SETD4: variants seen among roughly 807,000 people sequenced by gnomAD.
The protein encoded by SETD4 is SET domain-containing protein 4.
Under a neutral mutation model 58.3 loss-of-function variants are expected in SETD4, and 46 were observed. The ratio of observed to expected loss-of-function variants is 0.79; its 90% CI spans 0.62 to 1.01. The LOEUF (loss-of-function observed/expected upper bound fraction) is 1.01, where lower values mean the gene tolerates loss of function less well. SETD4 is among the 50% of genes least tolerant of loss of function. The pLI, the probability that SETD4 is intolerant of heterozygous loss-of-function variation, is 0.00. For missense variants in SETD4, 490 were observed against 523.3 expected (o/e 0.94, Z 0.62); for synonymous variants, 190 against 202.6 (o/e 0.94, Z 0.53).
chr21:36,056,629 G>A (rs1468313618), intron 3 of SETD4, among the ~76,000 whole-genome samples: 1 of 152,144 alleles, frequency 6.6e-6, no homozygotes. Context: ...CATGATCATG[G>A]CTCTCTGCAG....
chr21:36,036,025 TCTAAA>T (rs770922932), intron 11 of SETD4, 55 bp downstream of exon 11: 1,641 of 1,514,658 alleles, frequency 1.1e-3, no homozygotes, highest in Non-Finnish European at 1.3e-3. Context: ...ACTCATCGAC[TCTAAA>T]CTATATAAAT....
At chr21:36,056,501 C>A (rs748633919) in intron 3 of SETD4, among the ~76,000 whole-genome samples, 1 of 152,186 alleles carries the variant, frequency 6.6e-6, no homozygotes, top group South Asian at 2.1e-4. Context: ...TGCAGGCACA[C>A]ACCCATAGCA....
rs952722595 is a variant in SETD4, at chr21:36,048,298, G to A, written c.296+10C>T. 27 of 1,608,534 alleles carry A rather than the reference G, an allele frequency of 1.7e-5. No individual in the cohort carries two copies. The highest frequency in any genetic ancestry group is 2.1e-5 in the Non-Finnish European group (25 of 1,175,086). On this transcript the variant is annotated intron_variant, in intron 5 of 11. Transcript: ENST00000332131. ...ACTTGCACCAGGTAAGCAAGTGTGT[G>A]GTCACTTACTTAGTAATGTATGCCC...
At chr21:36,058,666 CA>C (rs1456885593) in intron 2 of SETD4, 149 bp downstream of exon 2, 1 of 844,586 alleles carries the variant, frequency 1.2e-6, no homozygotes, top group Non-Finnish European at 1.8e-6. Context: ...TGCAGTGAGC[CA>C]AGATGACACC....
At chr21:36,040,363 T>C (rs1601202061) in intron 9 of SETD4, among the ~76,000 whole-genome samples, 1 of 152,164 alleles carries the variant, frequency 6.6e-6, no homozygotes, top group South Asian at 2.1e-4. Flanking sequence ...GTATGCTGAG[T>C]CTAAAACCAG....
At chr21:36,041,159 CAAAAAAAAAAA>C (rs35920101) in intron 8 of SETD4, among the ~76,000 whole-genome samples, 5 of 39,996 alleles carry the variant, frequency 1.3e-4, no homozygotes, top group Non-Finnish European at 1.6e-4. Context: ...GACTCCTTCT[CAAAAAAAAAAA>C]AAAAAAAAAA....
chr21:36,043,945 C>T lies in SETD4; in HGVS notation c.738G>A (p.Ala246=), dbSNP rs752638106. The T allele has an allele frequency of 1.2e-5, 20 of 1,613,912 alleles. No homozygotes were observed. The highest frequency in any genetic ancestry group is 1.6e-4 in the Middle Eastern group (1 of 6,082). The change falls in exon 7 of 12, where the codon GCG becomes GCA. Residue 246 remains alanine, a synonymous_variant. Transcript: ENST00000332131. ...CGTAAGAATGAGTTTCTTCATTAAA[C>T]GCTGCTTTTACCTAGAAAGAAAAAC... The part of the protein sequence containing the change: ...NHSPHVQVKA[A]FNEETHSYEI...
At chr21:36,057,556 T>C (rs1037979345) in intron 2 of SETD4, 1 of 506,850 alleles carries the variant, frequency 2.0e-6, no homozygotes, top group Non-Finnish European at 3.6e-6. Flanking sequence ...AACATACTTA[T>C]GCAACATACG....
intron 9 of SETD4, among the ~76,000 whole-genome samples, chr21:36,038,713 A>G (rs1461104591): frequency 6.6e-6 from 1 of 152,180 alleles, no homozygotes; most frequent in Non-Finnish European, 1.5e-5. Context: ...ACTGGGCACA[A>G]TTCACAAAGC....
rs1485996036 is a variant in SETD4, at chr21:36,036,069, T to G, written c.*32+16A>C. ...GTCCATCAAACCTTAGTCTAAAATGTGTGACTAACACCCACCAGAGGAGGT... is the reference window on the plus strand; with the variant it reads ...GTCCATCAAACCTTAGTCTAAAATGGGTGACTAACACCCACCAGAGGAGGT... On this transcript the variant is annotated intron_variant, in intron 11 of 11. Transcript: ENST00000332131. 2 of 1,612,726 alleles carry G rather than the reference T, an allele frequency of 1.2e-6. No individual in the cohort carries two copies. The highest frequency in any genetic ancestry group is 1.7e-6 in the Non-Finnish European group (2 of 1,179,532).
At chr21:36,051,829 T>C (rs1490358922) in intron 4 of SETD4, among the ~76,000 whole-genome samples, 2 of 152,224 alleles carry the variant, frequency 1.3e-5, no homozygotes, top group African/African-American at 4.8e-5. Flanking sequence ...ATTATACAGC[T>C]CTGAAAATTC....
In SETD4 at chr21:36,058,876, T is replaced by C. The variant is rs1441469625; in HGVS notation, c.13A>G (p.Lys5Glu). The C allele has an allele frequency of 6.2e-7, 1 of 1,600,606 alleles. No homozygotes were observed. Among genetic ancestry groups the C allele is most frequent in the Non-Finnish European group, 8.5e-7 (1 of 1,175,378 alleles). Residue 5 changes from lysine (K) to glutamate (E), a missense_variant, in exon 2 of 12, where the codon AAA (lysine) becomes GAA (glutamate). Coordinates refer to ENST00000332131, the MANE Select transcript of SETD4 (RefSeq NM_017438.5). MQKG[K>E]GRTSRIRRRK... ...CTTCTGATCCGGCTTGTTCTCCCTTTTCCTTTCTGCATGCTAAAACTGTAG... is the reference window on the plus strand; with the variant it reads ...CTTCTGATCCGGCTTGTTCTCCCTTCTCCTTTCTGCATGCTAAAACTGTAG...
chr21:36,054,487 C>T (rs1352087983), intron 3 of SETD4, among the ~76,000 whole-genome samples: 1 of 152,208 alleles, frequency 6.6e-6, no homozygotes, highest in Non-Finnish European at 1.5e-5. Flanking sequence ...GAAAATAATT[C>T]AGCCAAGTCA....
Position 36,041,814 on chromosome 21 carries a change from A to C in SETD4, c.976T>G (p.Tyr326Asp). ...KKISILKDHG[Y>D]IENLTFGWDG... ...GGAAAGAGAAACACTTACTCTATAT[A>C]GCCATGATCCTTTAAAATAGAAATC... Residue 326 changes from tyrosine to aspartate, a missense_variant, in exon 8 of 12, where the codon TAT becomes GAT. Coordinates refer to ENST00000332131, the MANE Select transcript of SETD4 (RefSeq NM_017438.5). The C allele has an allele frequency of 6.7e-7, 1 of 1,482,340 alleles. No homozygotes were observed. Among genetic ancestry groups the C allele is most frequent in the Middle Eastern group, 1.7e-4 (1 of 5,774 alleles). 91.8% of individuals were successfully genotyped at this position (1,482,340 alleles called of 1,614,324 possible).
intron 3 of SETD4, among the ~76,000 whole-genome samples, chr21:36,054,659 A>C (rs1363583655): frequency 6.7e-6 from 1 of 149,340 alleles, no homozygotes; most frequent in Non-Finnish European, 1.5e-5. Flanking sequence ...CTCCTGGCTC[A>C]TGGTGGGAAT....
rs1489466846 is a variant in SETD4, at chr21:36,043,843, C to T, written c.840G>A (p.Leu280=). 1.2e-6 allele frequency: 2 copies of T among 1,614,190 alleles called. No individual in the cohort carries two copies. The highest frequency in any genetic ancestry group is 2.2e-5 in the East Asian group (1 of 44,880). Residue 280 remains leucine (L), a synonymous_variant, in exon 7 of 12, where the codon CTG becomes CTA. Coordinates refer to ENST00000332131, the MANE Select transcript of SETD4 (RefSeq NM_017438.5). ...ICYGPHDNQR[L]FLEYGFVSVH... ...CAGAAACAAATCCGTATTCCAGGAA[C>T]AGCCGTTGATTATCGTGAGGGCCGT...
In SETD4 at chr21:36,035,804, G is replaced by A. The variant is rs540738472; in HGVS notation, c.*189C>T. 3 of 358,226 alleles carry A rather than the reference G, an allele frequency of 8.4e-6. No homozygotes were observed. The highest frequency in any genetic ancestry group is 2.7e-5 in the South Asian group (1 of 37,620). The allele number at this position is 358,226 out of a possible 1,614,324, so 22.2% of individuals were successfully genotyped here. On this transcript the variant is annotated 3_prime_UTR_variant, in exon 12 of 12. Transcript: ENST00000332131. Reference sequence around the variant, plus strand: ...CTCCTCACAGTTCAGCACTTTATTCGGAAGAGCATTAGACCTGCCATCCAG... The same window carrying A: ...CTCCTCACAGTTCAGCACTTTATTCAGAAGAGCATTAGACCTGCCATCCAG...
Position 36,040,122 on chromosome 21 carries a change from C to G in SETD4, c.1064+453G>C, listed in dbSNP as rs77663260. Among the ~76,000 whole-genome samples, 314 of 152,336 alleles carry G rather than the reference C, an allele frequency of 2.1e-3. 2 individuals carry two copies. Among genetic ancestry groups the G allele is most frequent in the Non-Finnish European group, 3.7e-3 (252 of 68,034 alleles). On this transcript the variant is annotated intron_variant, in intron 9 of 11. Coordinates refer to ENST00000332131, the MANE Select transcript of SETD4 (RefSeq NM_017438.5). ...AGCCTGGCCAGGATGCACACCCACA[C>G]CGGGGGCTCCCCGACCTGCCTCCCC...
chr21:36,050,511 G>A (rs2064612220), intron 4 of SETD4: 1 of 1,613,840 alleles, frequency 6.2e-7, no homozygotes, highest in African/African-American at 1.3e-5. Flanking sequence ...AGAGAAGATG[G>A]GATGCCAGTT....
Sources: gnomAD v4.1 joint callset for allele counts (sites outside exome capture counted in the v4.1 genomes callset) on GRCh38, gnomAD v4.1.1 for gene constraint, MANE v1.5 for transcripts, NCBI Gene and HGNC (gene_info 2026-07-23, HGNC 2026-07-21) for gene names.